XPO4: variants seen among roughly 807,000 people sequenced by gnomAD.
XPO4 encodes the protein exportin 4.
Under a neutral mutation model 143.0 loss-of-function variants are expected in XPO4, and 39 were observed. That is an observed-to-expected ratio of 0.27 (90% CI 0.21 to 0.36). The LOEUF (loss-of-function observed/expected upper bound fraction) is 0.36, where lower values mean the gene tolerates loss of function less well. Among genes scored for constraint, XPO4 ranks in the 10% least tolerant of loss-of-function variants. The pLI is 1.00. For missense variants in XPO4, 907 were observed against 1,348.0 expected, an observed-to-expected ratio of 0.67 and a Z score of 5.12; for synonymous variants, 439 against 474.0, an observed-to-expected ratio of 0.93 and a Z score of 0.96.
intron 4 of XPO4, chr13:20,853,167 CA>C (rs2060106641): frequency 9.4e-6 from 4 of 425,952 alleles, no homozygotes; most frequent in Non-Finnish European, 1.3e-5. Context: ...CTCATCGCTA[CA>C]AAAAAACTTT....
intron 6 of XPO4, among the ~76,000 whole-genome samples, chr13:20,835,072 A>AT (rs1467366273): frequency 6.6e-6 from 1 of 152,186 alleles, no homozygotes; most frequent in East Asian, 1.9e-4. Context: ...TGGTGCAATC[A>AT]TAGTTCAAGG....
At chr13:20,819,638 C>T (rs1013049778) in intron 9 of XPO4, among the ~76,000 whole-genome samples, 3 of 151,404 alleles carry the variant, frequency 2.0e-5, no homozygotes, top group Non-Finnish European at 2.9e-5. Flanking sequence ...CCAGCCTGGG[C>T]GACAGAGCGA....
chr13:20,869,060 A>AG (rs1175519237), intron 1 of XPO4, among the ~76,000 whole-genome samples: 2 of 152,148 alleles, frequency 1.3e-5, no homozygotes, highest in Admixed American at 1.3e-4. Context: ...AACTTGACCT[A>AG]GTTCAAATAA....
intron 1 of XPO4, among the ~76,000 whole-genome samples, chr13:20,884,801 A>T (rs1039833505): frequency 6.6e-6 from 1 of 152,104 alleles, no homozygotes; most frequent in African/African-American, 2.4e-5. Context: ...AGTGAACTTT[A>T]ATTAAGCCAC....
chr13:20,806,193 T>C (rs1263431288), intron 13 of XPO4, among the ~76,000 whole-genome samples: 1 of 152,146 alleles, frequency 6.6e-6, no homozygotes, highest in Non-Finnish European at 1.5e-5. Flanking sequence ...ACTAAGGTAA[T>C]CCTAAAATGA....
intron 20 of XPO4, 61 bp downstream of exon 20, chr13:20,788,425 C>T: frequency 3.9e-6 from 6 of 1,556,290 alleles, no homozygotes; most frequent in Non-Finnish European, 5.2e-6. Flanking sequence ...AAAAACTTTT[C>T]TTTAAAGGAA....
At chr13:20,823,038 A>T (rs1046510168) in intron 7 of XPO4, among the ~76,000 whole-genome samples, 1 of 152,158 alleles carries the variant, frequency 6.6e-6, no homozygotes, top group Non-Finnish European at 1.5e-5. Context: ...ATATTCTCAG[A>T]TGTTAAAGGT....
intron 6 of XPO4, among the ~76,000 whole-genome samples, chr13:20,842,509 T>G (rs2059986598): frequency 6.6e-6 from 1 of 152,158 alleles, no homozygotes; most frequent in Non-Finnish European, 1.5e-5. Context: ...CACTCCAAAC[T>G]AGCTTTAAGT....
rs532466838 is a variant in XPO4 at position 20,855,829 on chromosome 13, T to G, written c.318-64A>C. ...ATCTAATACAAGAATACTCCCAAAC[T>G]TCTCTCTATGCCTGAAGCTACTAAT... On this transcript the variant is annotated intron_variant, in intron 3 of 22. Coordinates refer to ENST00000255305, the MANE Select transcript of XPO4 (RefSeq NM_022459.5). 69 of 1,468,206 alleles carry G rather than the reference T, an allele frequency of 4.7e-5. No homozygotes were observed. The African/African-American group carries it at 8.5e-4, about 18-fold the overall frequency. The allele number at this position is 1,468,206 out of a possible 1,614,324, so 90.9% of individuals were successfully genotyped here. A position where few individuals can be genotyped will look rare whatever the true frequency, so the allele number is the denominator to read the frequency against.
intron 3 of XPO4, among the ~76,000 whole-genome samples, chr13:20,857,502 C>T (rs1306051821): frequency 1.3e-5 from 2 of 151,612 alleles, no homozygotes; most frequent in African/African-American, 2.4e-5. Context: ...CCAAGGCAGG[C>T]GGATTACGAG....
rs144316226 is a variant in XPO4, at chr13:20,858,599, T to C, written c.318-2834A>G. On this transcript the variant is annotated intron_variant, in intron 3 of 22. Transcript: ENST00000255305. ...AAAAAATATGTATGTAAGCCAGGTG[T>C]GGTGGCTCATGCCTGTAATCTTAGC... 6.2e-4 allele frequency among the ~76,000 whole-genome samples: 94 copies of C among 152,100 alleles called. 1 individual carries two copies. The highest frequency in any genetic ancestry group is 2.2e-3 in the Admixed American group (33 of 15,280).
chr13:20,856,762 G>C, intron 3 of XPO4: 1 of 854,714 alleles, frequency 1.2e-6, no homozygotes, highest in Non-Finnish European at 1.4e-6. Flanking sequence ...CACAACTGCA[G>C]ACATATTGAC....
chr13:20,866,463 A>G, intron 2 of XPO4: 1 of 859,844 alleles, frequency 1.2e-6, no homozygotes, highest in Non-Finnish European at 1.4e-6. Flanking sequence ...TAATCCCTAA[A>G]CAAGAATGTG....
chr13:20,792,161 C>T (rs1010065910), intron 18 of XPO4, among the ~76,000 whole-genome samples: 7 of 152,146 alleles, frequency 4.6e-5, no homozygotes, highest in Non-Finnish European at 7.4e-5. Flanking sequence ...TCGGATACCA[C>T]GTTAAAGAAT....
At chr13:20,849,878 G>A (rs2060065844) in intron 4 of XPO4, 2 of 888,124 alleles carry the variant, frequency 2.3e-6, no homozygotes, top group Non-Finnish European at 2.7e-6. Flanking sequence ...GGCTGAAGTG[G>A]GCAGATCACT....
Position 20,801,005 on chromosome 13 carries a change from C to T in XPO4, c.1818-15G>A, listed in dbSNP as rs200559930. 2.5e-6 allele frequency: 4 copies of T among 1,605,394 alleles called. No homozygotes were observed. The highest frequency in any genetic ancestry group is 3.4e-6 in the Non-Finnish European group (4 of 1,178,246). ...CAGACAACAGCCTGTAGGTATAAAA[C>T]AGAAGTCATTTATTCTTTTATTTAT... On this transcript the variant is annotated splice_polypyrimidine_tract_variant and intron_variant, in intron 13 of 22. Coordinates refer to ENST00000255305, the MANE Select transcript of XPO4 (RefSeq NM_022459.5).
intron 3 of XPO4, among the ~76,000 whole-genome samples, chr13:20,861,652 T>C (rs12872033): frequency 0.036 from 5,496 of 152,144 alleles, 220 homozygotes; most frequent in African/African-American, 0.094. Context: ...GTAAAATGTT[T>C]AAGCAATACA....
rs79275825 is a variant in XPO4 at position 20,814,657 on chromosome 13, G to A, written c.1174-4690C>T. Among the ~76,000 whole-genome samples, 536 of 152,354 alleles carry A rather than the reference G, an allele frequency of 3.5e-3. 8 individuals are homozygous for A. Among genetic ancestry groups the A allele is most frequent in the African/African-American group, 0.012 (510 of 41,588 alleles). On this transcript the variant is annotated intron_variant, in intron 9 of 22. Coordinates refer to ENST00000255305, the MANE Select transcript of XPO4 (RefSeq NM_022459.5). ...AACCCAGCAGCCAAGGCAGCAGCAC[G>A]TGCACAGAGATGACTAAGGAGACCA...
rs1018217288 is a variant in XPO4, at chr13:20,849,563, C to T, written c.457-5677G>A. ...AGTACTGACAGCAGGTCTGACACTA[C>T]TGCAAACTGAGATGAAATAACCACG... is the stretch of plus-strand genomic sequence containing the variant. On this transcript the variant is annotated intron_variant, in intron 4 of 22. Transcript: ENST00000255305. The T allele has an allele frequency of 1.8e-5, 18 of 985,274 alleles. No individual in the cohort carries two copies. In the African/African-American group the frequency reaches 3.1e-4, roughly 17 times the overall value. The allele number at this position is 985,274 out of a possible 1,614,324, so 61.0% of individuals were successfully genotyped here.
Sources: gnomAD v4.1 joint callset for allele counts (sites outside exome capture counted in the v4.1 genomes callset) on GRCh38, gnomAD v4.1.1 for gene constraint, MANE v1.5 for transcripts, NCBI Gene and HGNC (gene_info 2026-07-23, HGNC 2026-07-21) for gene names.